The following NAV2 variants were observed in gnomAD, a reference collection of about 807,000 sequenced individuals.
NAV2 encodes the protein neuron navigator 2.
A neutral mutation model predicts 223.2 loss-of-function variants in NAV2; 54 were observed. The observed-to-expected ratio is 0.24, with a 90% CI of 0.19 to 0.30. The LOEUF (loss-of-function observed/expected upper bound fraction) is 0.30, where lower values mean the gene tolerates loss of function less well. Ranked by LOEUF, NAV2 falls within the 10% of genes least tolerant of loss-of-function variation. The pLI, the probability that NAV2 is intolerant of heterozygous loss-of-function variation, is 1.00. For synonymous variants in NAV2, 1,279 were observed against 1,239.3 expected (o/e 1.03, Z -0.67); for missense variants, 2,806 against 3,147.5 (o/e 0.89, Z 2.60).
At chr11:20,115,120 T>C (rs937312336) in intron 37 of NAV2, among the ~76,000 whole-genome samples, 1 of 151,338 alleles carries the variant, frequency 6.6e-6, no homozygotes, top group Non-Finnish European at 1.5e-5. Flanking sequence ...ACTATCCTAT[T>C]ACTTTGATCT....
chr11:19,960,756 G>C (rs185062996), intron 10 of NAV2, among the ~76,000 whole-genome samples: 1 of 152,096 alleles, frequency 6.6e-6, no homozygotes, highest in Admixed American at 6.6e-5. Flanking sequence ...TGGGATTAGA[G>C]GCACATGCCA....
intron 1 of NAV2, among the ~76,000 whole-genome samples, chr11:19,747,547 G>GA (rs1274853416): frequency 1.3e-5 from 2 of 152,180 alleles, no homozygotes; most frequent in Non-Finnish European, 2.9e-5. Context: ...AGGGCTGAAT[G>GA]AAGCATATCG....
intron 2 of NAV2, among the ~76,000 whole-genome samples, chr11:19,841,636 G>A (rs1014678415): frequency 6.6e-6 from 1 of 152,092 alleles, no homozygotes; most frequent in Non-Finnish European, 1.5e-5. Flanking sequence ...GCAGGTACAG[G>A]GTGCTGTGAG....
intron 10 of NAV2, among the ~76,000 whole-genome samples, chr11:19,961,245 C>A (rs770669472): frequency 5.9e-5 from 9 of 152,080 alleles, no homozygotes. Flanking sequence ...TCACTGCACC[C>A]GGCCCACGTT....
intron 1 of NAV2, among the ~76,000 whole-genome samples, chr11:19,747,855 T>C (rs951325404): frequency 6.6e-6 from 1 of 152,192 alleles, no homozygotes; most frequent in Non-Finnish European, 1.5e-5. Context: ...CTGACAGTGA[T>C]CCCTTCTGGA....
At chr11:19,460,300 C>T (rs1049607552) in intron 1 of NAV2, among the ~76,000 whole-genome samples, 5 of 152,106 alleles carry the variant, frequency 3.3e-5, no homozygotes, top group Non-Finnish European at 7.3e-5. Flanking sequence ...AGATCTGGGT[C>T]AAATCCAGCT....
intron 1 of NAV2, among the ~76,000 whole-genome samples, chr11:19,379,681 A>C (rs1848768235): frequency 6.6e-6 from 1 of 152,150 alleles, no homozygotes; most frequent in Non-Finnish European, 1.5e-5. Context: ...TGGTGAGCTG[A>C]CCAGAGCTTC....
At chr11:19,909,707 C>G (rs1465795866) in intron 6 of NAV2, among the ~76,000 whole-genome samples, 3 of 152,080 alleles carry the variant, frequency 2.0e-5, no homozygotes, top group African/African-American at 4.8e-5. Flanking sequence ...TTTTTCTTCT[C>G]CCACTTCTCG....
At chr11:19,615,798 C>CTTCAAAT (rs1184857985) in intron 1 of NAV2, among the ~76,000 whole-genome samples, 6 of 152,158 alleles carry the variant, frequency 3.9e-5, no homozygotes, top group African/African-American at 9.6e-5. Context: ...CCTGCTCCTG[C>CTTCAAAT]TTCAAATTCT....
chr11:20,024,093 G>A (rs552467017), intron 11 of NAV2, among the ~76,000 whole-genome samples: 1 of 152,302 alleles, frequency 6.6e-6, no homozygotes, highest in Admixed American at 6.5e-5. Flanking sequence ...TCTGAGCTCG[G>A]AATGGTTTTA....
intron 1 of NAV2, among the ~76,000 whole-genome samples, chr11:19,497,310 A>G (rs551654418): frequency 6.6e-6 from 1 of 152,370 alleles, no homozygotes; most frequent in African/African-American, 2.4e-5. Flanking sequence ...CCGTATAAGA[A>G]TTTGTGAAGT....
chr11:19,464,043 T>C lies in NAV2; in HGVS notation c.75+113016T>C, dbSNP rs533982580. 2.1e-4 allele frequency among the ~76,000 whole-genome samples: 32 copies of C among 152,310 alleles called. No homozygotes were observed. In the South Asian group the frequency reaches 5.6e-3, roughly 27 times the overall value. On this transcript the variant is annotated intron_variant, in intron 1 of 37. Coordinates refer to the NAV2 transcript ENST00000360655. ...TCTCCTCTGTGTGAAAATCCTCGAA[T>C]TCAGTGAAAATATTTAAGGGATAAT...
chr11:19,665,364 G>A (rs934976601), intron 1 of NAV2, among the ~76,000 whole-genome samples: 1 of 152,200 alleles, frequency 6.6e-6, no homozygotes, highest in African/African-American at 2.4e-5. Flanking sequence ...AGGCAGCTGA[G>A]CTGAGAAGCA....
In NAV2 at chr11:19,998,013, T is replaced by C. The variant is rs7940109; in HGVS notation, c.2768+13766T>C. Among the ~76,000 whole-genome samples the C allele has an allele frequency of 9.9e-3, 1,501 of 152,228 alleles. 22 individuals carry two copies. Among genetic ancestry groups the C allele is most frequent in the African/African-American group, 0.034 (1,419 of 41,518 alleles). On this transcript the variant is annotated intron_variant, in intron 11 of 37. Coordinates refer to ENST00000349880, the MANE Select transcript of NAV2 (RefSeq NM_145117.5). The surrounding 1 kb of genome is among the most constrained non-coding windows in gnomAD (Gnocchi z 5.0). ...CTTTGGAACAATAAGCTCCTAGGTA[T>C]GGTCTCCCCCAAGACTGAGAGGAAG...
chr11:19,770,966 C>T lies in NAV2; in HGVS notation c.267+57004C>T, dbSNP rs180835194. Among the ~76,000 whole-genome samples, 6 of 152,232 alleles carry T rather than the reference C, an allele frequency of 3.9e-5. No homozygotes were observed. The East Asian group carries it at 5.8e-4, about 15-fold the overall frequency. On this transcript the variant is annotated intron_variant, in intron 1 of 37. Transcript: ENST00000349880. The stretch of plus-strand genomic sequence containing the variant: ...TGTATGCCTAGTATTTTTGGCTTCC[C>T]GTTTCAGTGCAGTTTATATTCATTA...
chr11:19,751,674 T>C (rs1286076549), intron 1 of NAV2, among the ~76,000 whole-genome samples: 4 of 152,216 alleles, frequency 2.6e-5, no homozygotes, highest in Non-Finnish European at 5.9e-5. Flanking sequence ...CAATATTCTC[T>C]ACTCTCTTCC....
chr11:19,514,870 A>T (rs1431342897), intron 1 of NAV2, among the ~76,000 whole-genome samples: 3 of 152,178 alleles, frequency 2.0e-5, no homozygotes, highest in African/African-American at 7.2e-5. Flanking sequence ...AAGCAGGGGC[A>T]TGAGGAGGAG....
chr11:19,640,786 T>G (rs1390791732), intron 1 of NAV2, among the ~76,000 whole-genome samples: 2 of 152,194 alleles, frequency 1.3e-5, no homozygotes, highest in Non-Finnish European at 2.9e-5. Context: ...CCTCTGGAGA[T>G]TCTCCAAACC....
chr11:19,700,787 T>A (rs2049489268), intron 1 of NAV2, among the ~76,000 whole-genome samples: 1 of 152,228 alleles, frequency 6.6e-6, no homozygotes, highest in Admixed American at 6.5e-5. Flanking sequence ...TAATTATACA[T>A]TCACTGATGT....
Sources: gnomAD v4.1 joint callset for allele counts (sites outside exome capture counted in the v4.1 genomes callset) on GRCh38, gnomAD v4.1.1 for gene constraint, Gnocchi (gnomAD v3.1) non-coding constraint, MANE v1.5 for transcripts, NCBI Gene and HGNC (gene_info 2026-07-23, HGNC 2026-07-21) for gene names.